Variants in TUBGCP6 observed in about 807,000 individuals in gnomAD.
TUBGCP6 encodes the protein tubulin gamma complex component 6.
A neutral mutation model predicts 175.8 loss-of-function variants in TUBGCP6; 161 were observed. That is an observed-to-expected ratio of 0.92 (90% CI 0.81 to 1.04). The LOEUF is 1.04. Among genes scored for constraint, TUBGCP6 ranks in the 50% least tolerant of loss-of-function variants. The probability of loss-of-function intolerance (pLI) is 0.00; values close to 1 mark genes in which losing one functional copy is unlikely to be tolerated. For synonymous variants in TUBGCP6, 1,173 were observed against 1,030.5 expected (o/e 1.14, Z -2.65); for missense variants, 2,572 against 2,433.0 (o/e 1.06, Z -1.20).
rs752877550 is a variant in TUBGCP6 at position 50,226,998 on chromosome 22, C to T, written c.1491+1G>A. 1.9e-5 allele frequency: 31 copies of T among 1,611,364 alleles called. No individual in the cohort carries two copies. Among genetic ancestry groups the T allele is most frequent in the South Asian group, 5.5e-5 (5 of 90,650 alleles). Reference sequence around the variant, plus strand: ...ACACTCGGCAGGGACGCACAACTCACGGTGGGAAACGCGGCCCTGGGGCCT... The same window carrying T: ...ACACTCGGCAGGGACGCACAACTCATGGTGGGAAACGCGGCCCTGGGGCCT... On this transcript the variant is annotated splice_donor_variant, in intron 6 of 24. Coordinates refer to ENST00000248846, the MANE Select transcript of TUBGCP6 (RefSeq NM_020461.4). LOFTEE classifies it high-confidence loss of function.
intron 1 of TUBGCP6, among the ~76,000 whole-genome samples, chr22:50,242,405 G>C (rs201333443): frequency 1.6e-4 from 25 of 152,190 alleles, no homozygotes. Context: ...GCTGAGGCAG[G>C]AGAATCGCTT....
chr22:50,244,275 G>T lies in TUBGCP6; in HGVS notation c.185C>A (p.Ser62Ter). ...DETQQLQPDM[S>*]KLPARNKILM... Reference sequence around the variant, plus strand: ...GATCTTGTTTCTCGCTGGTAGTTTTGACATGTCAGGCTGCAGCTGTTGAGT... The same window carrying T: ...GATCTTGTTTCTCGCTGGTAGTTTTTACATGTCAGGCTGCAGCTGTTGAGT... Residue 62 changes from serine to a stop codon, truncating the protein, a stop_gained, in exon 1 of 25, where the codon TCA (serine) becomes TAA (stop). Transcript: ENST00000248846. LOFTEE classifies it high-confidence loss of function. 6.2e-7 allele frequency: 1 copy of T among 1,613,636 alleles called. No homozygotes were observed. Among genetic ancestry groups the T allele is most frequent in the South Asian group, 1.1e-5 (1 of 91,086 alleles).
chr22:50,240,013 C>T, intron 2 of TUBGCP6, 191 bp downstream of exon 2: 1 of 746,960 alleles, frequency 1.3e-6, no homozygotes, highest in Non-Finnish European at 2.2e-6. Flanking sequence ...TCCTTAAAGG[C>T]TGTTAGTGCT....
In TUBGCP6 at chr22:50,244,583, T is replaced by A. The variant is rs1302426088; in HGVS notation, c.-124A>T. The A allele has an allele frequency of 1.4e-6, 2 of 1,413,442 alleles. No homozygotes were observed. The highest frequency in any genetic ancestry group is 9.3e-7 in the Non-Finnish European group (1 of 1,079,426). 87.6% of individuals were successfully genotyped at this position (1,413,442 alleles called of 1,614,324 possible). On this transcript the variant is annotated 5_prime_UTR_variant, in exon 1 of 25. Coordinates refer to ENST00000248846, the MANE Select transcript of TUBGCP6 (RefSeq NM_020461.4). ...GCTGAATGACAGGCGGCCTCTCCAATGCCGAAGCTCAGAACTGGTATTTTT... is the reference window on the plus strand; with the variant it reads ...GCTGAATGACAGGCGGCCTCTCCAAAGCCGAAGCTCAGAACTGGTATTTTT...
chr22:50,226,878 G>C (rs757328484), intron 6 of TUBGCP6, 36 bp from the exon 7 acceptor site: 1 of 1,558,886 alleles, frequency 6.4e-7, no homozygotes, highest in South Asian at 1.2e-5. Context: ...GCAGCTCAGC[G>C]CACCCAGCGC....
intron 2 of TUBGCP6, among the ~76,000 whole-genome samples, chr22:50,235,766 C>T (rs949167710): frequency 2.6e-5 from 4 of 152,028 alleles, no homozygotes; most frequent in African/African-American, 9.7e-5. Flanking sequence ...ATGGTGAAAC[C>T]CTGACTCTAC....
At chr22:50,233,240 C>T in intron 3 of TUBGCP6, 76 bp downstream of exon 3, 2 of 1,521,602 alleles carry the variant, frequency 1.3e-6, no homozygotes, top group Non-Finnish European at 1.8e-6. Flanking sequence ...TGTTCTGCCC[C>T]ATAAAGGGCT....
Position 50,240,310 on chromosome 22 carries a change from T to A in TUBGCP6, c.799A>T (p.Thr267Ser), listed in dbSNP as rs118091943. 4.0e-5 allele frequency: 64 copies of A among 1,613,538 alleles called. No homozygotes were observed. In the East Asian group the frequency reaches 1.4e-3, roughly 35 times the overall value. The change falls in exon 2 of 25, where the codon ACT becomes TCT. Residue 267 changes from threonine to serine, a missense_variant. Physicochemically the swap from Thr to Ser is moderately conservative, Grantham distance 58. Coordinates refer to ENST00000248846, the MANE Select transcript of TUBGCP6 (RefSeq NM_020461.4). ...DEGFQSASNL[T>S]PDSQSEPSVT... ...CTGGGCTCAGACTGGGAATCAGGAG[T>A]CAAGTTGGACGCTGACTGGAATCCT... is the stretch of plus-strand genomic sequence containing the variant.
In TUBGCP6 at chr22:50,227,020, G is replaced by T. The variant is rs749807041; in HGVS notation, c.1470C>A (p.Gly490=). ...GAVLPGTCGG[G]PRAAFPTGVK... ...TCACGGTGGGAAACGCGGCCCTGGGGCCTCCTCCACAGGTGCCCGGGAGCA... is the reference window on the plus strand; with the variant it reads ...TCACGGTGGGAAACGCGGCCCTGGGTCCTCCTCCACAGGTGCCCGGGAGCA... Residue 490 remains glycine (G), a synonymous_variant, in exon 6 of 25, where the codon GGC becomes GGA. Coordinates refer to ENST00000248846, the MANE Select transcript of TUBGCP6 (RefSeq NM_020461.4). 1.2e-6 allele frequency: 2 copies of T among 1,612,390 alleles called. No homozygotes were observed. The highest frequency in any genetic ancestry group is 1.7e-6 in the Non-Finnish European group (2 of 1,179,636).
Position 50,224,229 on chromosome 22 carries a change from GCTC to G in TUBGCP6, c.2179_2181del (p.Glu727del). ...CGGGCGTAGCTGAAGTCATCATCCA[GCTC>G]CTCCTGCCTGGCCGCCTGGCGTCGC... On this transcript the variant is annotated inframe_deletion, in exon 13 of 25. Coordinates refer to ENST00000248846, the MANE Select transcript of TUBGCP6 (RefSeq NM_020461.4). The G allele has an allele frequency of 6.2e-7, 1 of 1,614,114 alleles. No individual in the cohort carries two copies. The highest frequency in any genetic ancestry group is 8.5e-7 in the Non-Finnish European group (1 of 1,180,030).
chr22:50,226,576 C>T (rs1461086259), intron 7 of TUBGCP6, among the ~76,000 whole-genome samples, 157 bp downstream of exon 7: 6 of 15,962 alleles, frequency 3.8e-4, no homozygotes, highest in Non-Finnish European at 7.5e-4. Flanking sequence ...GGAGTGGGGG[C>T]AGGGTGGGGG....
At chr22:50,242,703 T>C (rs964376865) in intron 1 of TUBGCP6, among the ~76,000 whole-genome samples, 10 of 152,262 alleles carry the variant, frequency 6.6e-5, no homozygotes, top group East Asian at 3.9e-4. Flanking sequence ...CAAAAACATA[T>C]CCAATTGCAC....
intron 18 of TUBGCP6, 22 bp from the exon 19 acceptor site, chr22:50,219,478 C>A: frequency 6.3e-7 from 1 of 1,592,618 alleles, no homozygotes; most frequent in Non-Finnish European, 8.5e-7. Context: ...GGAGCACGCA[C>A]GTGCTGGGAA....
chr22:50,236,487 C>A (rs2058942445), intron 2 of TUBGCP6, among the ~76,000 whole-genome samples: 1 of 152,190 alleles, frequency 6.6e-6, no homozygotes, highest in South Asian at 2.1e-4. Flanking sequence ...GTACAGGCAG[C>A]CCTGGGCACA....
Position 50,219,311 on chromosome 22 carries a change from G to A in TUBGCP6, c.4461C>T (p.Ser1487=), listed in dbSNP as rs945998595. The A allele has an allele frequency of 6.2e-7, 1 of 1,603,930 alleles. No individual in the cohort carries two copies. The highest frequency in any genetic ancestry group is 1.7e-5 in the Admixed American group (1 of 58,164). The part of the protein sequence containing the change: ...LLTLPVLMKR[S]ITAPLAAHIS... ...ACTGGGCGGCCAGCGGTGCCGTGAT[G>A]GAGCGCTTCATGAGCACGGGCAGCG... The change falls in exon 19 of 25, where the codon TCC becomes TCT. Residue 1487 remains serine, a synonymous_variant. Transcript: ENST00000248846.
rs2064474353 is a variant in TUBGCP6, at chr22:50,219,327, A to C, written c.4445T>G (p.Val1482Gly). 2 of 1,600,968 alleles carry C rather than the reference A, an allele frequency of 1.2e-6. No individual in the cohort carries two copies. The highest frequency in any genetic ancestry group is 1.7e-6 in the Non-Finnish European group (2 of 1,175,144). The change falls in exon 19 of 25, where the codon GTG becomes GGG. Residue 1482 changes from valine to glycine, a missense_variant. Physicochemically the swap from Val to Gly is moderately radical, Grantham distance 109. Coordinates refer to ENST00000248846, the MANE Select transcript of TUBGCP6 (RefSeq NM_020461.4). ...TGCCGTGATGGAGCGCTTCATGAGC[A>C]CGGGCAGCGTCAGCAACTCGCTCAG... is the stretch of plus-strand genomic sequence containing the variant. ...VQLSELLTLP[V>G]LMKRSITAPL...
At chr22:50,230,054 G>C (rs1169094151) in intron 3 of TUBGCP6, among the ~76,000 whole-genome samples, 1 of 152,132 alleles carries the variant, frequency 6.6e-6, no homozygotes, top group Non-Finnish European at 1.5e-5. Flanking sequence ...TGTAGCAGAA[G>C]CCAGAAGGGA....
Position 50,219,107 on chromosome 22 carries a change from G to T in TUBGCP6, c.4587C>A (p.Gly1529=). The T allele has an allele frequency of 1.2e-6, 2 of 1,612,872 alleles. No homozygotes were observed. The highest frequency in any genetic ancestry group is 1.7e-6 in the Non-Finnish European group (2 of 1,179,958). Residue 1529 remains glycine, a synonymous_variant, in exon 20 of 25, where the codon GGC becomes GGA. Transcript: ENST00000248846. ...GGTCGCTGAGGGACTGGGCGAACTC[G>T]CCGTCCTCCATCAGCAGGAAGTGCC... ...ALRHFLLMED[G]EFAQSLSDLL...
In TUBGCP6 at chr22:50,225,786, C is replaced by A. The variant is rs2064598037; in HGVS notation, c.1983+8G>T. The A allele has an allele frequency of 6.2e-7, 1 of 1,609,534 alleles. No homozygotes were observed. Among genetic ancestry groups the A allele is most frequent in the Admixed American group, 1.7e-5 (1 of 59,768 alleles). On this transcript the variant is annotated splice_region_variant and intron_variant, in intron 10 of 24. Transcript: ENST00000248846. ...AAGAAAGCCCCCGAGACCTGTGGTG[C>A]CACGCACCTTCTCCTCCTTGCTGAC...
Sources: gnomAD v4.1 joint callset for allele counts (sites outside exome capture counted in the v4.1 genomes callset) on GRCh38, gnomAD v4.1.1 for gene constraint, MANE v1.5 for transcripts, NCBI Gene and HGNC (gene_info 2026-07-23, HGNC 2026-07-21) for gene names.